Variants in DOCK3 observed in about 807,000 individuals in gnomAD.
DOCK3 encodes the protein dedicator of cytokinesis protein 3.
In DOCK3, 60 loss-of-function variants were observed where a neutral mutation model predicts 265.6. The ratio of observed to expected loss-of-function variants is 0.23; its 90% confidence interval spans 0.18 to 0.28. The LOEUF (loss-of-function observed/expected upper bound fraction) is 0.28, where lower values mean the gene tolerates loss of function less well. Ranked by LOEUF, DOCK3 falls within the 10% of genes least tolerant of loss-of-function variation. The pLI is 1.00. For missense variants in DOCK3, 1,981 were observed against 2,594.3 expected (o/e 0.76, Z 5.14); for synonymous variants, 881 against 938.0 (o/e 0.94, Z 1.11).
At chr3:51,046,737 A>C (rs1437862867) in intron 5 of DOCK3, among the ~76,000 whole-genome samples, 1 of 152,276 alleles carries the variant, frequency 6.6e-6, no homozygotes, top group South Asian at 2.1e-4. Flanking sequence ...CCCAATAGAC[A>C]TACACAGAAC....
chr3:51,099,502 T>C (rs947374509), intron 9 of DOCK3, among the ~76,000 whole-genome samples: 1 of 152,210 alleles, frequency 6.6e-6, no homozygotes, highest in African/African-American at 2.4e-5. Flanking sequence ...TGCCTAAAAA[T>C]ACGTAGGACA....
At chr3:50,885,127 A>G (rs1424106271) in intron 3 of DOCK3, among the ~76,000 whole-genome samples, 1 of 152,144 alleles carries the variant, frequency 6.6e-6, no homozygotes, top group African/African-American at 2.4e-5. Flanking sequence ...AGAATATCAT[A>G]TAGGTGGAGT....
chr3:50,804,537 G>A (rs367666898), intron 2 of DOCK3, among the ~76,000 whole-genome samples: 102 of 152,338 alleles, frequency 6.7e-4, no homozygotes, highest in African/African-American at 2.4e-3. Flanking sequence ...AGGAGCTGGA[G>A]ACCAGCCCGG....
At chr3:51,011,023 C>A (rs1382270445) in intron 5 of DOCK3, among the ~76,000 whole-genome samples, 3 of 152,120 alleles carry the variant, frequency 2.0e-5, no homozygotes, top group East Asian at 3.9e-4. Context: ...TTGTGGGTAA[C>A]CCGACCTTTC....
intron 3 of DOCK3, among the ~76,000 whole-genome samples, chr3:50,887,492 G>A (rs2107706448): frequency 1.0e-5 from 1 of 100,140 alleles, no homozygotes; most frequent in East Asian, 2.6e-4. Context: ...GAAAAAGAGT[G>A]ACTCCTCCCT....
At chr3:51,242,907 G>A (rs145026806) in intron 21 of DOCK3, among the ~76,000 whole-genome samples, 1 of 152,162 alleles carries the variant, frequency 6.6e-6, no homozygotes, top group Non-Finnish European at 1.5e-5. Flanking sequence ...AGTATGGGGA[G>A]GGGGCATGCA....
chr3:50,708,429 G>C (rs2036550828), intron 1 of DOCK3, among the ~76,000 whole-genome samples: 1 of 152,198 alleles, frequency 6.6e-6, no homozygotes, highest in Non-Finnish European at 1.5e-5. Flanking sequence ...GGGTCCAGCT[G>C]GTGTGTCTTG....
At chr3:50,717,313 C>T (rs993380950) in intron 1 of DOCK3, among the ~76,000 whole-genome samples, 3 of 152,146 alleles carry the variant, frequency 2.0e-5, no homozygotes, top group Non-Finnish European at 2.9e-5. Context: ...ACTTGTCTTT[C>T]AGTGGTGGTT....
chr3:50,890,079 G>T lies in DOCK3; in HGVS notation c.216G>T (p.Arg72Ser). 1 of 1,433,238 alleles carries T rather than the reference G, an allele frequency of 7.0e-7. No individual in the cohort carries two copies. The highest frequency in any genetic ancestry group is 9.1e-7 in the Non-Finnish European group (1 of 1,104,538). The allele number at this position is 1,433,238 out of a possible 1,614,324, so 88.8% of individuals were successfully genotyped here. The stretch of plus-strand genomic sequence containing the variant: ...TGAAAAAGGCAATTGTCAGTAATAG[G>T]GGGTGAGTAATTGGCCTTACTAAAT... ...IHLKKAIVSN[R>S]GQYETVVPLE... Residue 72 changes from arginine (R) to serine (S), a missense_variant and splice_region_variant, in exon 4 of 53, where the codon AGG becomes AGT. Arg to Ser is a moderately radical substitution (Grantham distance 110, BLOSUM62 -1). Around this residue, in one of 4 missense-constraint regions of DOCK3, gnomAD observed 456 missense variants for 539.0 expected, o/e 0.85. Coordinates refer to ENST00000266037, the MANE Select transcript of DOCK3 (RefSeq NM_004947.5).
chr3:50,988,515 G>C (rs1032480763), intron 5 of DOCK3, among the ~76,000 whole-genome samples: 1 of 152,228 alleles, frequency 6.6e-6, no homozygotes, highest in Admixed American at 6.5e-5. Flanking sequence ...GCCCAGCACA[G>C]CACAGCTCCT....
chr3:51,044,184 C>A lies in DOCK3; in HGVS notation c.316-20264C>A, dbSNP rs9850148. ...AAAGACATGGGATCAACCTAAATGT[C>A]CATCAGTGATAGATTGGATAAAGAA... is the stretch of plus-strand genomic sequence containing the variant. On this transcript the variant is annotated intron_variant, in intron 5 of 52. Transcript: ENST00000266037. Among the ~76,000 whole-genome samples, 450 of 152,262 alleles carry A rather than the reference C, an allele frequency of 3.0e-3. 3 individuals carry two copies. Among genetic ancestry groups the A allele is most frequent in the African/African-American group, 0.01 (430 of 41,550 alleles).
At chr3:51,189,944 T>C (rs936990848) in intron 12 of DOCK3, among the ~76,000 whole-genome samples, 1 of 152,156 alleles carries the variant, frequency 6.6e-6, no homozygotes, top group African/African-American at 2.4e-5. Context: ...CGAGCTCACA[T>C]GGGAGAAGCC....
chr3:50,910,099 A>T (rs559224339), intron 4 of DOCK3, among the ~76,000 whole-genome samples: 3 of 151,806 alleles, frequency 2.0e-5, no homozygotes, highest in Non-Finnish European at 4.4e-5. Flanking sequence ...TAAAATGGCT[A>T]TTCTCATTAT....
chr3:51,012,575 C>A (rs62257841), intron 5 of DOCK3, among the ~76,000 whole-genome samples: 25,248 of 152,184 alleles, frequency 0.17, 2,485 homozygotes, highest in South Asian at 0.35. Flanking sequence ...AAAGGGATTT[C>A]TCTGACCCCT....
In DOCK3 at chr3:50,799,530, GT is replaced by G. The variant is rs1297701691; in HGVS notation, c.121+20773del. Among the ~76,000 whole-genome samples the G allele has an allele frequency of 4.6e-4, 70 of 152,074 alleles. 1 individual carries two copies. Among genetic ancestry groups the G allele is most frequent in the African/African-American group, 1.4e-3 (60 of 41,514 alleles). On this transcript the variant is annotated intron_variant, in intron 2 of 52. Coordinates refer to ENST00000266037, the MANE Select transcript of DOCK3 (RefSeq NM_004947.5). ...GCTCCTCCATTGTTCCTGTATAGAA[GT>G]GATACTGATTTTTGTTCATTAATTT... is the stretch of plus-strand genomic sequence containing the variant.
chr3:50,732,353 A>G (rs779329841), intron 1 of DOCK3, among the ~76,000 whole-genome samples: 1 of 152,008 alleles, frequency 6.6e-6, no homozygotes, highest in Non-Finnish European at 1.5e-5. Flanking sequence ...GCAAACCACC[A>G]TAGCACATGT....
chr3:51,132,452 G>C (rs889211515), intron 9 of DOCK3, among the ~76,000 whole-genome samples: 2 of 152,198 alleles, frequency 1.3e-5, no homozygotes, highest in African/African-American at 4.8e-5. Flanking sequence ...TGGGTTCTGA[G>C]GAGAATCAAC....
intron 24 of DOCK3, among the ~76,000 whole-genome samples, chr3:51,274,122 C>T (rs1032196112): frequency 2.0e-5 from 3 of 152,152 alleles, no homozygotes; most frequent in Non-Finnish European, 4.4e-5. Flanking sequence ...AAGTGCTATT[C>T]GGTAACACTG....
intron 9 of DOCK3, among the ~76,000 whole-genome samples, chr3:51,127,958 G>A (rs1258423488): frequency 6.6e-6 from 1 of 152,134 alleles, no homozygotes; most frequent in Non-Finnish European, 1.5e-5. Context: ...CTTCCGTTGT[G>A]GAGCAGTAGA....
Sources: gnomAD v4.1 joint callset for allele counts (sites outside exome capture counted in the v4.1 genomes callset) on GRCh38, gnomAD v4.1.1 for gene constraint, gnomAD v4.1.1 regional missense constraint, MANE v1.5 for transcripts, NCBI Gene and HGNC (gene_info 2026-07-23, HGNC 2026-07-21) for gene names.